The following GPD2 variants were observed in gnomAD, a reference collection of about 807,000 sequenced individuals.
The protein encoded by GPD2 is glycerol-3-phosphate dehydrogenase 2, also known as glycerol-3-phosphate dehydrogenase, mitochondrial.
A neutral mutation model predicts 82.4 loss-of-function variants in GPD2; 54 were observed. The ratio of observed to expected loss-of-function variants is 0.66; its 90% CI spans 0.53 to 0.82. The LOEUF (loss-of-function observed/expected upper bound fraction) is 0.82. Among genes scored for constraint, GPD2 ranks in the 40% least tolerant of loss-of-function variants. The pLI is 0.00. For synonymous variants in GPD2, 288 were observed against 306.1 expected, an observed-to-expected ratio of 0.94 and a Z score of 0.62; for missense variants, 748 against 896.2, an observed-to-expected ratio of 0.83 and a Z score of 2.11.
At position 156,496,196 on chromosome 2, in the gene GPD2, G is replaced by A. The variant is rs764937237; in HGVS notation, c.255G>A (p.Ala85=). The change falls in exon 3 of 17, where the codon GCG becomes GCA. Residue 85 remains alanine (A), a synonymous_variant. Coordinates refer to ENST00000438166, the MANE Select transcript of GPD2 (RefSeq NM_000408.5). ...IGGGATGSGC[A]LDAVTRGLKT... ...GAGGAGCAACAGGAAGTGGCTGTGC[G>A]CTAGATGCTGTCACCAGAGGTAAGT... 1.7e-5 allele frequency: 28 copies of A among 1,611,158 alleles called. No individual in the cohort carries two copies. Among genetic ancestry groups the A allele is most frequent in the Admixed American group, 8.3e-5 (5 of 59,968 alleles).
At chr2:156,558,902 C>T (rs1272549254) in intron 9 of GPD2, among the ~76,000 whole-genome samples, 1 of 150,730 alleles carries the variant, frequency 6.6e-6, no homozygotes, top group Non-Finnish European at 1.5e-5. Context: ...AGGAGTGAGC[C>T]ACCGTGCCTG....
chr2:156,574,101 C>T (rs531325009), intron 13 of GPD2, among the ~76,000 whole-genome samples: 2 of 151,902 alleles, frequency 1.3e-5, no homozygotes, highest in Non-Finnish European at 2.9e-5. Flanking sequence ...AGAAATATTT[C>T]GAGAAACTGT....
intron 4 of GPD2, among the ~76,000 whole-genome samples, chr2:156,511,158 A>G (rs1387821682): frequency 6.6e-6 from 1 of 152,244 alleles, no homozygotes; most frequent in African/African-American, 2.4e-5. Context: ...GCAGATTTAC[A>G]AAATCACTTT....
the GPD2 span, among the ~76,000 whole-genome samples, chr2:156,422,740 AAAAC>A: frequency 6.6e-5 from 10 of 151,982 alleles, no homozygotes; most frequent in South Asian, 2.1e-4. Context: ...AAAAAAAACA[AAAAC>A]AAACAAACAA....
In GPD2 at chr2:156,586,369, C is replaced by A. The variant is rs1212888231; in HGVS notation, c.*3451C>A. 39 of 152,064 alleles carry A rather than the reference C, an allele frequency of 2.6e-4. No individual in the cohort carries two copies. The highest frequency in any genetic ancestry group is 2.5e-3 in the Admixed American group (38 of 15,238). The allele number at this position is 152,064 out of a possible 1,614,324, so 9.4% of individuals were successfully genotyped here. ...GCATGACTTCTGTATTTGTGCAATC[C>A]TATTCTACAATTACATTCATCCTAT... On this transcript the variant is annotated 3_prime_UTR_variant, in exon 17 of 17. Transcript: ENST00000438166.
intron 6 of GPD2, among the ~76,000 whole-genome samples, chr2:156,539,958 C>T (rs11900457): frequency 2.6e-5 from 4 of 151,748 alleles, no homozygotes; most frequent in African/African-American, 9.7e-5. Flanking sequence ...ACTTGTGGCT[C>T]GAGGAATGAG....
the GPD2 span, among the ~76,000 whole-genome samples, chr2:156,413,272 G>T: frequency 2.6e-5 from 4 of 152,022 alleles, no homozygotes; most frequent in Admixed American, 1.3e-4. Flanking sequence ...GAGCTATCTT[G>T]GTGGGGGTGA....
chr2:156,500,126 T>TAAAAATTTTAATTTTAATTTTTAC (rs1395448545), intron 3 of GPD2, among the ~76,000 whole-genome samples: 12 of 152,132 alleles, frequency 7.9e-5, no homozygotes, highest in African/African-American at 2.9e-4. Flanking sequence ...CAGTTAACAG[T>TAAAAATTTTAATTTTAATTTTTAC]AGCTAAGAAA....
intron 1 of GPD2, among the ~76,000 whole-genome samples, chr2:156,444,212 A>G (rs1682275356): frequency 6.6e-6 from 1 of 152,020 alleles, no homozygotes; most frequent in Admixed American, 6.5e-5. Context: ...TATTACCTGG[A>G]GTTTGGGGTT....
At chr2:156,415,156 C>CTTTT in the GPD2 span, among the ~76,000 whole-genome samples, 38 of 114,590 alleles carry the variant, frequency 3.3e-4, 1 homozygote, top group East Asian at 8.1e-4. Flanking sequence ...TTGTATCATT[C>CTTTT]TTTTTTTTTT....
At chr2:156,419,670 G>A in the GPD2 span, among the ~76,000 whole-genome samples, 4 of 152,140 alleles carry the variant, frequency 2.6e-5, no homozygotes, top group Non-Finnish European at 5.9e-5. Context: ...ACAAGAACAA[G>A]ATTGAAGAGA....
At chr2:156,462,846 C>T (rs892376984) in intron 1 of GPD2, among the ~76,000 whole-genome samples, 1 of 152,180 alleles carries the variant, frequency 6.6e-6, no homozygotes, top group Admixed American at 6.5e-5. Flanking sequence ...TAACTTGGCT[C>T]TCATTTTTCT....
At position 156,582,985 on chromosome 2, in the gene GPD2, G is replaced by A; in HGVS notation, c.*67G>A. 6.5e-7 allele frequency: 1 copy of A among 1,530,150 alleles called. No homozygotes were observed. The highest frequency in any genetic ancestry group is 9.0e-7 in the Non-Finnish European group (1 of 1,105,888). The allele number at this position is 1,530,150 out of a possible 1,614,324, so 94.8% of individuals were successfully genotyped here. On this transcript the variant is annotated 3_prime_UTR_variant, in exon 17 of 17. Transcript: ENST00000438166. ...AAATCACCATGTAACAACCAGAGAT[G>A]ACTGAAACCACTCTGAAATAATGAA...
At chr2:156,505,629 G>A (rs1411228020) in intron 3 of GPD2, among the ~76,000 whole-genome samples, 1 of 152,182 alleles carries the variant, frequency 6.6e-6, no homozygotes. Context: ...TGCCTGTAAT[G>A]TAAGGAGGTC....
chr2:156,428,057 G>A, the GPD2 span, among the ~76,000 whole-genome samples: 2 of 152,056 alleles, frequency 1.3e-5, no homozygotes, highest in African/African-American at 4.8e-5. Flanking sequence ...TCCATTTCAG[G>A]ATACTTAATC....
At chr2:156,580,094 G>A (rs1223949794) in intron 16 of GPD2, among the ~76,000 whole-genome samples, 1 of 152,118 alleles carries the variant, frequency 6.6e-6, no homozygotes, top group Non-Finnish European at 1.5e-5. Context: ...CGTATGCCAT[G>A]GCATATCAAT....
At chr2:156,449,983 C>G (rs971055606) in intron 1 of GPD2, among the ~76,000 whole-genome samples, 2 of 151,068 alleles carry the variant, frequency 1.3e-5, no homozygotes, top group African/African-American at 4.9e-5. Flanking sequence ...TGCACTCCAG[C>G]CTGGGTGACA....
rs760901865 is a variant in GPD2, at chr2:156,513,447, C to T, written c.612C>T (p.Phe204=). The change falls in exon 6 of 17, where the codon TTC becomes TTT. Residue 204 remains phenylalanine, a synonymous_variant. Coordinates refer to ENST00000438166, the MANE Select transcript of GPD2 (RefSeq NM_000408.5). ...VLSKSRALEH[F]PMLQKDKLVG... The stretch of plus-strand genomic sequence containing the variant: ...GCAAATCAAGAGCCCTTGAACATTT[C>T]CCAATGCTCCAGAAGGACAAACTGG... 1 of 1,612,630 alleles carries T rather than the reference C, an allele frequency of 6.2e-7. No homozygotes were observed. The highest frequency in any genetic ancestry group is 8.5e-7 in the Non-Finnish European group (1 of 1,179,286).
intron 6 of GPD2, among the ~76,000 whole-genome samples, chr2:156,525,907 C>T (rs555079808): frequency 6.4e-4 from 97 of 152,156 alleles, no homozygotes; most frequent in African/African-American, 2.2e-3. Context: ...TGCCCTATTC[C>T]CTCCTTCTTT....
Sources: gnomAD v4.1 joint callset for allele counts (sites outside exome capture counted in the v4.1 genomes callset) on GRCh38, gnomAD v4.1.1 for gene constraint, MANE v1.5 for transcripts, NCBI Gene and HGNC (gene_info 2026-07-23, HGNC 2026-07-21) for gene names.